The following GRIA3 variants were observed in gnomAD, a reference collection of about 807,000 sequenced individuals.
GRIA3 encodes glutamate ionotropic receptor AMPA type subunit 3, also known as glutamate receptor 3.
In GRIA3, 3 loss-of-function variants were observed where a neutral mutation model predicts 63.0. The observed-to-expected ratio is 0.05, with a 90% CI of 0.02 to 0.12. GRIA3 has a LOEUF of 0.12. GRIA3 is among the 10% of genes least tolerant of loss of function. The pLI, the probability that GRIA3 is intolerant of heterozygous loss-of-function variation, is 1.00. For missense variants in GRIA3, 347 were observed against 700.9 expected (o/e 0.50, Z 5.70); for synonymous variants, 274 against 257.9 (o/e 1.06, Z -0.60).
At chrX:123,342,426 C>T (rs1223359028) in intron 4 of GRIA3, among the ~76,000 whole-genome samples, 1 of 112,054 alleles carries the variant, frequency 8.9e-6, no homozygotes, top group Non-Finnish European at 1.9e-5. Context: ...GAGGTACCAG[C>T]TCACTCAGAC....
intron 3 of GRIA3, among the ~76,000 whole-genome samples, chrX:123,281,469 T>C (rs1419693206): frequency 8.9e-6 from 1 of 112,299 alleles, no homozygotes; most frequent in African/African-American, 3.2e-5. Context: ...CTTGTATGTC[T>C]TTTAAGAAAT....
chrX:123,279,938 T>C (rs2044575708), intron 3 of GRIA3, among the ~76,000 whole-genome samples: 1 of 112,005 alleles, frequency 8.9e-6, no homozygotes, highest in African/African-American at 3.2e-5. Context: ...TATTTTGCTT[T>C]ATATTTACTC....
intron 4 of GRIA3, among the ~76,000 whole-genome samples, chrX:123,345,541 G>C (rs1428011237): frequency 1.8e-5 from 2 of 108,148 alleles, no homozygotes; most frequent in Non-Finnish European, 3.8e-5. Context: ...TCATGGTTTT[G>C]ATCAATGCTA....
chrX:123,470,751 C>T (rs2045857858), intron 13 of GRIA3, among the ~76,000 whole-genome samples: 1 of 111,850 alleles, frequency 8.9e-6, no homozygotes, highest in South Asian at 3.8e-4. Context: ...CCTATGCCAC[C>T]GTCTCTTAAC....
intron 5 of GRIA3, among the ~76,000 whole-genome samples, chrX:123,387,250 T>C (rs1259023329): frequency 9.0e-6 from 1 of 111,330 alleles, no homozygotes; most frequent in East Asian, 2.8e-4. Flanking sequence ...AGATCAATAT[T>C]GGTGCATAAA....
At chrX:123,291,230 A>C (rs1227948694) in intron 3 of GRIA3, among the ~76,000 whole-genome samples, 1 of 111,537 alleles carries the variant, frequency 9.0e-6, no homozygotes, top group Non-Finnish European at 1.9e-5. Flanking sequence ...AAAAGCCTTG[A>C]AGGTGCTGGA....
At chrX:123,458,379 A>C (rs986705800) in intron 12 of GRIA3, among the ~76,000 whole-genome samples, 1 of 109,451 alleles carries the variant, frequency 9.1e-6, no homozygotes, top group African/African-American at 3.3e-5. Flanking sequence ...CAGGAGACAG[A>C]AGTAGGATTG....
chrX:123,341,078 G>A (rs772631279), intron 4 of GRIA3, among the ~76,000 whole-genome samples: 11 of 112,116 alleles, frequency 9.8e-5, no homozygotes, highest in African/African-American at 3.2e-4. Context: ...TTAAAAGCAA[G>A]CTCCTTTAAT....
At chrX:123,213,922 G>A (rs1045635531) in intron 2 of GRIA3, among the ~76,000 whole-genome samples, 2 of 112,193 alleles carry the variant, frequency 1.8e-5, no homozygotes, top group African/African-American at 3.2e-5. Context: ...AGTACAAGAA[G>A]TCAGTCCCTC....
chrX:123,413,859 A>C (rs1344660968), intron 10 of GRIA3, among the ~76,000 whole-genome samples: 1 of 111,590 alleles, frequency 9.0e-6, no homozygotes, highest in Non-Finnish European at 1.9e-5. Context: ...ACAAAGGTGC[A>C]CCTTAATTGA....
intron 2 of GRIA3, among the ~76,000 whole-genome samples, chrX:123,242,106 A>G (rs2044333048): frequency 8.9e-6 from 1 of 111,854 alleles, no homozygotes; most frequent in Non-Finnish European, 1.9e-5. Flanking sequence ...GAATCCAAAC[A>G]AAGTGGGAAA....
intron 2 of GRIA3, among the ~76,000 whole-genome samples, chrX:123,236,344 G>A (rs184889248): frequency 1.8e-5 from 2 of 111,565 alleles, no homozygotes; most frequent in Admixed American, 1.9e-4. Flanking sequence ...TTGCTTTGTG[G>A]AGCCTAGGCC....
intron 2 of GRIA3, among the ~76,000 whole-genome samples, chrX:123,251,730 G>C (rs1310713883): frequency 9.0e-6 from 1 of 111,651 alleles, no homozygotes; most frequent in African/African-American, 3.3e-5. Flanking sequence ...CACCGCGACG[G>C]GATTTTTCCT....
intron 5 of GRIA3, among the ~76,000 whole-genome samples, chrX:123,374,639 A>G (rs2045272219): frequency 1.8e-5 from 2 of 111,808 alleles, no homozygotes; most frequent in African/African-American, 6.5e-5. Flanking sequence ...GAGTTCACTC[A>G]TGATTTGGCT....
chrX:123,389,208 T>C (rs1337794812), intron 5 of GRIA3, among the ~76,000 whole-genome samples: 4 of 112,285 alleles, frequency 3.6e-5, no homozygotes, highest in African/African-American at 6.5e-5. Flanking sequence ...TTGGATGAAA[T>C]GTTCTATAAA....
At chrX:123,379,620 G>GTTTTTTTTTTTTTTTTTTTTTTTTTT in intron 5 of GRIA3, among the ~76,000 whole-genome samples, 1 of 68,015 alleles carries the variant, frequency 1.5e-5, no homozygotes, top group Non-Finnish European at 2.7e-5. Flanking sequence ...CTAGCAACTT[G>GTTTTTTTTTTTTTTTTTTTTTTTTTT]TTTTTTTTTT....
chrX:123,257,134 G>A (rs999761699), intron 3 of GRIA3, among the ~76,000 whole-genome samples: 4 of 111,314 alleles, frequency 3.6e-5, no homozygotes, highest in African/African-American at 9.8e-5. Context: ...ATCTGGCATT[G>A]AATATAACTG....
Position 123,398,797 on chromosome X carries a change from G to A in GRIA3, c.1074G>A (p.Leu358=). Residue 358 remains leucine (L), a synonymous_variant, in exon 7 of 16, where the codon CTG becomes CTA. Transcript: ENST00000620443. Reference sequence around the variant, plus strand: ...AAGGAATTGATATTGAGAGAGCTCTGAAAATGGTAAAGACCACAATGGGTT... The same window carrying A: ...AAGGAATTGATATTGAGAGAGCTCTAAAAATGGTAAAGACCACAATGGGTT... ...WSQGIDIERA[L]KMVQVQGMTG... 3.3e-6 allele frequency: 4 copies of A among 1,206,091 alleles called. No homozygotes were observed. Among genetic ancestry groups the A allele is most frequent in the Non-Finnish European group, 4.5e-6 (4 of 890,867 alleles).
chrX:123,356,877 G>A (rs1482040752), intron 5 of GRIA3, among the ~76,000 whole-genome samples: 1 of 111,589 alleles, frequency 9.0e-6, no homozygotes, highest in Non-Finnish European at 1.9e-5. Flanking sequence ...TCATTGATGT[G>A]TCGGATGGGT....
Sources: allele counts gnomAD v4.1 joint callset (sites outside exome capture counted in the v4.1 genomes callset), GRCh38; gene constraint gnomAD v4.1.1; transcripts MANE v1.5; gene names NCBI Gene and HGNC (gene_info 2026-07-23, HGNC 2026-07-21).